The following FNBP1L variants were observed in gnomAD, a reference collection of about 807,000 sequenced individuals.
FNBP1L encodes formin-binding protein 1-like.
FNBP1L carries 36 observed loss-of-function variants against 91.2 expected under a neutral mutation model. That is an observed-to-expected ratio of 0.39 (90% confidence interval 0.30 to 0.52). FNBP1L has a LOEUF of 0.52. FNBP1L is among the 20% of genes least tolerant of loss of function. The pLI is 0.66. For synonymous variants in FNBP1L, 242 were observed against 237.0 expected (o/e 1.02, Z -0.19); for missense variants, 571 against 732.1 (o/e 0.78, Z 2.54).
intron 7 of FNBP1L, among the ~76,000 whole-genome samples, chr1:93,531,115 T>G (rs957736671): frequency 1.1e-4 from 16 of 152,334 alleles, no homozygotes; most frequent in African/African-American, 3.8e-4. Context: ...CAATGACATT[T>G]GTAAGATACA....
At chr1:93,480,916 G>A (rs986008861) in intron 1 of FNBP1L, among the ~76,000 whole-genome samples, 1 of 151,944 alleles carries the variant, frequency 6.6e-6, no homozygotes, top group African/African-American at 2.4e-5. Context: ...ACAGGTTTCT[G>A]TATTATAAAG....
rs1412592964 is a variant in FNBP1L, at chr1:93,552,636, C to T, written c.*220C>T. ...TTAAGTTCCTAGTTCACAGTTATTC[C>T]CACAAAAGAAAAAGCCAACAATAGT... is the stretch of plus-strand genomic sequence containing the variant. On this transcript the variant is annotated 3_prime_UTR_variant, in exon 17 of 17. Coordinates refer to ENST00000271234, the MANE Select transcript of FNBP1L (RefSeq NM_001164473.3). 2.3e-6 allele frequency: 1 copy of T among 431,564 alleles called. No homozygotes were observed. The highest frequency in any genetic ancestry group is 4.1e-6 in the Non-Finnish European group (1 of 245,002). The allele number at this position is 431,564 out of a possible 1,614,324, so 26.7% of individuals were successfully genotyped here.
intron 16 of FNBP1L, 91 bp downstream of exon 16, chr1:93,551,196 T>C: frequency 2.1e-6 from 3 of 1,404,706 alleles, no homozygotes; most frequent in Non-Finnish European, 2.8e-6. Context: ...ATTCAACAGG[T>C]TGAAAAAAAT....
chr1:93,470,489 CTT>C (rs1461413287), intron 1 of FNBP1L, among the ~76,000 whole-genome samples: 1 of 152,208 alleles, frequency 6.6e-6, no homozygotes, highest in Non-Finnish European at 1.5e-5. Context: ...GCTTGCTTCT[CTT>C]GTCTCTGACT....
At chr1:93,487,549 A>T (rs1669949610) in intron 1 of FNBP1L, among the ~76,000 whole-genome samples, 1 of 152,178 alleles carries the variant, frequency 6.6e-6, no homozygotes, top group Non-Finnish European at 1.5e-5. Flanking sequence ...CATGACAGAG[A>T]TTTTTGACTC....
intron 3 of FNBP1L, among the ~76,000 whole-genome samples, chr1:93,522,499 G>T (rs1161885548): frequency 1.3e-5 from 2 of 152,048 alleles, no homozygotes; most frequent in South Asian, 4.1e-4. Context: ...TGACTGATTG[G>T]TATAAAGGGA....
At chr1:93,457,371 C>A (rs1328973807) in intron 1 of FNBP1L, among the ~76,000 whole-genome samples, 1 of 152,142 alleles carries the variant, frequency 6.6e-6, no homozygotes, top group Non-Finnish European at 1.5e-5. Flanking sequence ...TTGCAATGTT[C>A]TATTTTATGT....
At chr1:93,449,509 A>G (rs1668411595) in intron 1 of FNBP1L, among the ~76,000 whole-genome samples, 1 of 152,196 alleles carries the variant, frequency 6.6e-6, no homozygotes, top group Non-Finnish European at 1.5e-5. Flanking sequence ...GTTAATTGAA[A>G]GGCAAAATGT....
intron 1 of FNBP1L, among the ~76,000 whole-genome samples, chr1:93,491,516 G>A (rs191734664): frequency 7.9e-5 from 12 of 151,764 alleles, no homozygotes; most frequent in East Asian, 3.9e-4. Context: ...CAGCCTCCCC[G>A]GTAGCTAGGA....
At chr1:93,523,554 G>A in intron 4 of FNBP1L, 63 bp downstream of exon 4, 1 of 1,436,150 alleles carries the variant, frequency 7.0e-7, no homozygotes, top group East Asian at 2.5e-5. Flanking sequence ...GAAACACTTT[G>A]TTTTCTTTAA....
rs1310384016 is a variant in FNBP1L at position 93,547,312 on chromosome 1, T to C, written c.1408-35T>C. 1.0e-5 allele frequency: 15 copies of C among 1,439,000 alleles called. No homozygotes were observed. The African/African-American group carries it at 2.1e-4, about 20-fold the overall frequency. The allele number at this position is 1,439,000 out of a possible 1,614,324, so 89.1% of individuals were successfully genotyped here. A position where few individuals can be genotyped will look rare whatever the true frequency, so the allele number is the denominator to read the frequency against. ...TCTTATGAGCTTTTAAACATATTTATTGAGCTCAGTTGTTTGCTTATTTTT... is the reference window on the plus strand; with the variant it reads ...TCTTATGAGCTTTTAAACATATTTACTGAGCTCAGTTGTTTGCTTATTTTT... On this transcript the variant is annotated intron_variant, in intron 13 of 16. Transcript: ENST00000271234.
intron 3 of FNBP1L, among the ~76,000 whole-genome samples, chr1:93,522,950 G>C (rs1408302931): frequency 2.6e-5 from 4 of 152,086 alleles, no homozygotes. Context: ...CTGTAGATCA[G>C]CCATCGAGAT....
At chr1:93,453,728 T>C (rs1398246869) in intron 1 of FNBP1L, among the ~76,000 whole-genome samples, 1 of 152,238 alleles carries the variant, frequency 6.6e-6, no homozygotes, top group African/African-American at 2.4e-5. Flanking sequence ...TTTTGTTCTA[T>C]AGAATGTGAA....
At chr1:93,500,937 T>C (rs1267481654) in intron 2 of FNBP1L, among the ~76,000 whole-genome samples, 2 of 152,204 alleles carry the variant, frequency 1.3e-5, no homozygotes, top group Non-Finnish European at 1.5e-5. Flanking sequence ...AGCCTATTAG[T>C]ATATTAATAA....
chr1:93,505,771 T>G (rs1331401279), intron 2 of FNBP1L, among the ~76,000 whole-genome samples: 1 of 152,182 alleles, frequency 6.6e-6, no homozygotes, highest in African/African-American at 2.4e-5. Context: ...CTACTTTACT[T>G]TTTACAAAAT....
At chr1:93,487,934 A>G (rs1365760365) in intron 1 of FNBP1L, among the ~76,000 whole-genome samples, 2 of 152,228 alleles carry the variant, frequency 1.3e-5, no homozygotes, top group Non-Finnish European at 2.9e-5. Context: ...CCTACTCAAC[A>G]TGTCAACCTG....
At chr1:93,512,308 C>T (rs990516423) in intron 2 of FNBP1L, among the ~76,000 whole-genome samples, 13 of 151,914 alleles carry the variant, frequency 8.6e-5, no homozygotes, top group East Asian at 5.8e-4. Context: ...CTTAGACTCC[C>T]ACACATTAAT....
intron 1 of FNBP1L, among the ~76,000 whole-genome samples, chr1:93,449,836 A>G (rs908894482): frequency 3.3e-5 from 5 of 152,204 alleles, no homozygotes; most frequent in Non-Finnish European, 5.9e-5. Flanking sequence ...TGTGCATTCT[A>G]TAATTGATTA....
chr1:93,478,763 T>C (rs1025044248), intron 1 of FNBP1L, among the ~76,000 whole-genome samples: 7 of 152,160 alleles, frequency 4.6e-5, no homozygotes, highest in African/African-American at 1.7e-4. Flanking sequence ...ATTACAAATA[T>C]TGAAAGGTGT....
Sources: allele counts gnomAD v4.1 joint callset (sites outside exome capture counted in the v4.1 genomes callset), GRCh38; gene constraint gnomAD v4.1.1; transcripts MANE v1.5; gene names NCBI Gene and HGNC (gene_info 2026-07-23, HGNC 2026-07-21).